The following NBEA variants were observed in gnomAD, a reference collection of about 807,000 sequenced individuals.
NBEA encodes the protein lysosomal-trafficking regulator 2.
NBEA carries 44 observed loss-of-function variants against 343.4 expected under a neutral mutation model. The ratio of observed to expected loss-of-function variants is 0.13; its 90% CI spans 0.10 to 0.16. The LOEUF (loss-of-function observed/expected upper bound fraction) is 0.16, where lower values mean the gene tolerates loss of function less well. Among genes scored for constraint, NBEA ranks in the 10% least tolerant of loss-of-function variants. NBEA has a pLI of 1.00. For missense variants in NBEA, 2,555 were observed against 3,631.3 expected, an observed-to-expected ratio of 0.70 and a Z score of 7.62; for synonymous variants, 1,175 against 1,238.7, an observed-to-expected ratio of 0.95 and a Z score of 1.08.
chr13:35,081,127 A>T (rs1593277317), intron 10 of NBEA, among the ~76,000 whole-genome samples: 1 of 152,254 alleles, frequency 6.6e-6, no homozygotes, highest in Middle Eastern at 3.4e-3. Flanking sequence ...GCCTAGAGGG[A>T]AGTTTCATGT....
intron 10 of NBEA, among the ~76,000 whole-genome samples, chr13:35,079,330 T>C (rs532073985): frequency 7.2e-5 from 11 of 152,102 alleles, no homozygotes; most frequent in Non-Finnish European, 1.6e-4. Context: ...AAAGTAAAAA[T>C]TAAAAATGTA....
chr13:35,360,787 T>C (rs974127053), intron 38 of NBEA, among the ~76,000 whole-genome samples: 4 of 151,698 alleles, frequency 2.6e-5, no homozygotes, highest in South Asian at 2.1e-4. Context: ...TGAACAAAAT[T>C]TTATAATTGA....
At chr13:35,137,837 T>A (rs1593471166) in intron 17 of NBEA, among the ~76,000 whole-genome samples, 3 of 152,230 alleles carry the variant, frequency 2.0e-5, no homozygotes, top group African/African-American at 7.2e-5. Context: ...CATTTTAAAA[T>A]GCTATAGTAG....
At chr13:35,520,993 T>C (rs1217798685) in intron 41 of NBEA, among the ~76,000 whole-genome samples, 1 of 152,114 alleles carries the variant, frequency 6.6e-6, no homozygotes, top group Non-Finnish European at 1.5e-5. Context: ...AAAATTCCAC[T>C]CAAGCTTTTG....
chr13:34,943,142 C>T, intron 1 of NBEA, 28 bp downstream of exon 1: 1 of 1,610,178 alleles, frequency 6.2e-7, no homozygotes, highest in Non-Finnish European at 8.5e-7. Flanking sequence ...TCTCAATCTG[C>T]TTCCCCAGTC....
chr13:35,646,223 A>G (rs760114635), intron 50 of NBEA, 36 bp from the exon 51 acceptor site: 1 of 1,461,162 alleles, frequency 6.8e-7, no homozygotes, highest in East Asian at 2.3e-5. Context: ...TCTTTGATGC[A>G]TATTGATTAT....
chr13:35,293,287 C>A (rs898625713), intron 35 of NBEA, among the ~76,000 whole-genome samples: 9 of 151,940 alleles, frequency 5.9e-5, no homozygotes, highest in Non-Finnish European at 1.2e-4. Context: ...ATATTTAAGT[C>A]TTAAGAAGAA....
At chr13:35,227,145 T>C (rs1254816350) in intron 33 of NBEA, among the ~76,000 whole-genome samples, 2 of 152,034 alleles carry the variant, frequency 1.3e-5, no homozygotes, top group East Asian at 3.9e-4. Context: ...TAAGCATTTT[T>C]TTTTTCAATA....
At chr13:35,393,953 C>G (rs2042621738) in intron 38 of NBEA, among the ~76,000 whole-genome samples, 1 of 152,036 alleles carries the variant, frequency 6.6e-6, no homozygotes, top group Admixed American at 6.6e-5. Context: ...ACTTTTGCTG[C>G]CAGGAGCTGT....
intron 41 of NBEA, among the ~76,000 whole-genome samples, chr13:35,540,183 C>T (rs894504955): frequency 6.6e-6 from 1 of 151,628 alleles, no homozygotes; most frequent in Non-Finnish European, 1.5e-5. Context: ...ACCCTATTAC[C>T]TAATTAGTTA....
At chr13:35,630,592 A>C (rs1206551655) in intron 49 of NBEA, among the ~76,000 whole-genome samples, 3 of 152,076 alleles carry the variant, frequency 2.0e-5, no homozygotes, top group African/African-American at 7.2e-5. Flanking sequence ...ATTGCCAGAC[A>C]CTCAGGTTTC....
At chr13:35,635,255 C>A (rs957730394) in intron 49 of NBEA, among the ~76,000 whole-genome samples, 4 of 152,068 alleles carry the variant, frequency 2.6e-5, no homozygotes, top group African/African-American at 9.7e-5. Context: ...TTTGATATGA[C>A]AAGGAATATC....
At chr13:34,988,508 C>T (rs1193142423) in intron 1 of NBEA, among the ~76,000 whole-genome samples, 1 of 150,816 alleles carries the variant, frequency 6.6e-6, no homozygotes, top group Non-Finnish European at 1.5e-5. Flanking sequence ...AATGGCAGAC[C>T]CCCCTGCCCC....
chr13:35,458,807 G>A (rs1594706838), intron 40 of NBEA, among the ~76,000 whole-genome samples: 1 of 151,966 alleles, frequency 6.6e-6, no homozygotes, highest in African/African-American at 2.4e-5. Context: ...TCAAAATACC[G>A]CACCTACTGT....
intron 49 of NBEA, among the ~76,000 whole-genome samples, chr13:35,644,324 T>G (rs1456185383): frequency 6.6e-6 from 1 of 152,206 alleles, no homozygotes; most frequent in Non-Finnish European, 1.5e-5. Context: ...GTATTCTGCC[T>G]TAGTCCAAAA....
At chr13:35,007,634 G>A (rs1439467304) in intron 1 of NBEA, among the ~76,000 whole-genome samples, 2 of 152,054 alleles carry the variant, frequency 1.3e-5, no homozygotes, top group African/African-American at 4.8e-5. Flanking sequence ...TGGGACTACA[G>A]GTGCATGCTA....
At chr13:35,458,605 CATA>C (rs957786590) in intron 40 of NBEA, among the ~76,000 whole-genome samples, 31 of 152,068 alleles carry the variant, frequency 2.0e-4, no homozygotes, top group African/African-American at 7.2e-4. Flanking sequence ...TTCAATAGCT[CATA>C]ATAAGTTTTG....
At chr13:35,462,843 A>C (rs1033646021) in intron 40 of NBEA, among the ~76,000 whole-genome samples, 1 of 152,146 alleles carries the variant, frequency 6.6e-6, no homozygotes, top group Non-Finnish European at 1.5e-5. Context: ...TAGTGCAGGG[A>C]GTAAGAATGA....
chr13:35,649,675 G>A lies in NBEA; in HGVS notation c.7791G>A (p.Pro2597=), dbSNP rs372021254. ...AMHLCFLPQS[P]LMFKDQMQQD... is the part of the protein sequence containing the mutation. ...AACAGTGTTTCCTTCCACAGAGTCC[G>A]CTCATGTTTAAAGATCAGATGCAAC... Residue 2597 remains proline (P), a synonymous_variant, in exon 52 of 59, where the codon CCG becomes CCA. Transcript: ENST00000379939. 47 of 1,613,464 alleles carry A rather than the reference G, an allele frequency of 2.9e-5. No individual in the cohort carries two copies. The highest frequency in any genetic ancestry group is 1.9e-4 in the South Asian group (17 of 91,046).
Sources: allele counts gnomAD v4.1 joint callset (sites outside exome capture counted in the v4.1 genomes callset), GRCh38; gene constraint gnomAD v4.1.1; transcripts MANE v1.5; gene names NCBI Gene and HGNC (gene_info 2026-07-23, HGNC 2026-07-21).